The following DHX36 variants were observed in gnomAD, a reference collection of about 807,000 sequenced individuals.
DHX36 encodes DEAH-box helicase 36.
A neutral mutation model predicts 139.0 loss-of-function variants in DHX36; 50 were observed. The ratio of observed to expected loss-of-function variants is 0.36; its 90% CI spans 0.29 to 0.46. The LOEUF is 0.46. Among genes scored for constraint, DHX36 ranks in the 20% least tolerant of loss-of-function variants. The pLI, the probability that DHX36 is intolerant of heterozygous loss-of-function variation, is 1.00. For missense variants in DHX36, 1,024 were observed against 1,211.3 expected (o/e 0.85, Z 2.29); for synonymous variants, 425 against 401.9 (o/e 1.06, Z -0.69).
At chr3:154,304,207 C>A (rs1416183695) in intron 8 of DHX36, among the ~76,000 whole-genome samples, 1 of 152,142 alleles carries the variant, frequency 6.6e-6, no homozygotes, top group Non-Finnish European at 1.5e-5. Context: ...TAATTCCCTC[C>A]CTTTCCCCCT....
At position 154,289,829 on chromosome 3, in the gene DHX36, TA is replaced by T. The variant is rs149380968; in HGVS notation, c.1815-4del. The T allele has an allele frequency of 8.1e-4, 1,131 of 1,390,216 alleles. 3 individuals carry two copies. Among genetic ancestry groups the T allele is most frequent in the South Asian group, 1.4e-3 (102 of 72,324 alleles). 86.1% of individuals were successfully genotyped at this position (1,390,216 alleles called of 1,614,324 possible). ...GATAGCAATGACCAGGTTGAACTCT[TA>T]AAAAAAAAACAAAACAAAATGAAAC... On this transcript the variant is annotated splice_polypyrimidine_tract_variant and splice_region_variant and intron_variant, in intron 15 of 24. Transcript: ENST00000496811.
intron 1 of DHX36, among the ~76,000 whole-genome samples, chr3:154,316,367 C>T (rs1432042322): frequency 6.6e-6 from 1 of 152,032 alleles, no homozygotes; most frequent in Non-Finnish European, 1.5e-5. Flanking sequence ...TCCTTCTAGA[C>T]CTTTTCCAAC....
intron 15 of DHX36, among the ~76,000 whole-genome samples, chr3:154,290,078 T>G (rs1428865890): frequency 6.6e-6 from 1 of 152,158 alleles, no homozygotes; most frequent in Non-Finnish European, 1.5e-5. Flanking sequence ...TGCCAATAAT[T>G]TGCTTCCCTA....
Position 154,310,710 on chromosome 3 carries a change from G to A in DHX36, c.643-887C>T, listed in dbSNP as rs543063559. ...GGAGGATCGCTTGAACCCGAGAGTC[G>A]GGAGTTTGCAGTAAGCCGAGATTGC... is the stretch of plus-strand genomic sequence containing the variant. On this transcript the variant is annotated intron_variant, in intron 4 of 24. Coordinates refer to ENST00000496811, the MANE Select transcript of DHX36 (RefSeq NM_020865.3). Among the ~76,000 whole-genome samples the A allele has an allele frequency of 1.4e-4, 19 of 137,998 alleles. 2 individuals carry two copies. The South Asian group carries it at 1.5e-3, about 11-fold the overall frequency. 90.5% of individuals were successfully genotyped at this position (137,998 alleles called of 152,430 possible).
At chr3:154,311,216 T>C (rs1345327069) in intron 4 of DHX36, among the ~76,000 whole-genome samples, 2 of 152,094 alleles carry the variant, frequency 1.3e-5, no homozygotes, top group African/African-American at 2.4e-5. Flanking sequence ...CCTATTATTC[T>C]ACATAGGGTA....
chr3:154,296,537 G>T lies in DHX36; in HGVS notation c.1550-1198C>A, dbSNP rs949904828. Among the ~76,000 whole-genome samples, 4 of 152,210 alleles carry T rather than the reference G, an allele frequency of 2.6e-5. No individual in the cohort carries two copies. In the South Asian group the frequency reaches 8.3e-4, roughly 32 times the overall value. On this transcript the variant is annotated intron_variant, in intron 12 of 24. Coordinates refer to ENST00000496811, the MANE Select transcript of DHX36 (RefSeq NM_020865.3). Reference sequence around the variant, plus strand: ...GTGACCCACATTTTACACATATTTTGTTAAAAATATAAGAAATTCCTACTT... The same window carrying T: ...GTGACCCACATTTTACACATATTTTTTTAAAAATATAAGAAATTCCTACTT...
chr3:154,308,439 T>C (rs1444945991), intron 5 of DHX36, among the ~76,000 whole-genome samples: 4 of 152,164 alleles, frequency 2.6e-5, no homozygotes, highest in South Asian at 2.1e-4. Flanking sequence ...CAGAATTATA[T>C]AGCATAAATA....
intron 19 of DHX36, among the ~76,000 whole-genome samples, chr3:154,284,120 T>C (rs1719425952): frequency 1.3e-5 from 2 of 152,212 alleles, no homozygotes; most frequent in South Asian, 4.1e-4. Flanking sequence ...TTTTCAAATG[T>C]TCAGCTAAAT....
intron 24 of DHX36, 170 bp from the exon 25 acceptor site, chr3:154,276,526 G>T: frequency 1.3e-6 from 1 of 777,718 alleles, no homozygotes; most frequent in South Asian, 1.9e-5. Flanking sequence ...TAACTAAAGT[G>T]CAGTTAAAAT....
intron 24 of DHX36, 80 bp from the exon 25 acceptor site, chr3:154,276,436 G>C (rs1719152068): frequency 1.5e-6 from 2 of 1,309,676 alleles, no homozygotes; most frequent in Admixed American, 4.9e-5. Flanking sequence ...TAATTTACCT[G>C]ATACAAGGAG....
intron 15 of DHX36, among the ~76,000 whole-genome samples, chr3:154,290,723 C>A (rs1711760035): frequency 6.6e-6 from 1 of 151,426 alleles, no homozygotes; most frequent in South Asian, 2.1e-4. Context: ...GCTCTTGCTG[C>A]TATAGGAACA....
intron 9 of DHX36, among the ~76,000 whole-genome samples, chr3:154,301,844 C>T (rs970229222): frequency 1.3e-5 from 2 of 151,800 alleles, no homozygotes; most frequent in Non-Finnish European, 2.9e-5. Context: ...CAAAAATGAA[C>T]CCACACTTTA....
Position 154,274,308 on chromosome 3 carries a change from C to CA in DHX36, c.*1862dup, listed in dbSNP as rs1009730554. The CA allele has an allele frequency of 1.6e-5, 3 of 185,832 alleles. No homozygotes were observed. Among genetic ancestry groups the CA allele is most frequent in the East Asian group, 1.6e-4 (1 of 6,112 alleles). 11.5% of individuals were successfully genotyped at this position (185,832 alleles called of 1,614,324 possible). A position where few individuals can be genotyped will look rare whatever the true frequency, so the allele number is the denominator to read the frequency against. ...GGGTGACAGGGCAAGACACTGTCTC[C>CA]AAAAAACAAAAAACAAAACAAAACA... On this transcript the variant is annotated 3_prime_UTR_variant, in exon 25 of 25. Coordinates refer to ENST00000496811, the MANE Select transcript of DHX36 (RefSeq NM_020865.3).
At chr3:154,288,482 G>C (rs1295904653) in intron 17 of DHX36, among the ~76,000 whole-genome samples, 2 of 152,046 alleles carry the variant, frequency 1.3e-5, no homozygotes, top group Admixed American at 6.5e-5. Flanking sequence ...TACTGGGAAT[G>C]TTCTTCTTGA....
intron 4 of DHX36, among the ~76,000 whole-genome samples, chr3:154,310,439 G>C (rs1712687118): frequency 6.6e-6 from 1 of 151,548 alleles, no homozygotes; most frequent in Admixed American, 6.6e-5. Flanking sequence ...GGATGTTAGG[G>C]GTTATTTTCA....
At chr3:154,300,745 T>C (rs965425464) in intron 10 of DHX36, 49 bp from the exon 11 acceptor site, 6 of 1,491,036 alleles carry the variant, frequency 4.0e-6, no homozygotes, top group Admixed American at 1.8e-5. Context: ...AAGTTTTCTG[T>C]TAACTTGCTA....
In DHX36 at chr3:154,304,851, A is replaced by T. The variant is rs767440112; in HGVS notation, c.1090T>A (p.Leu364Met). ...TCTGCATTCAATGTTGCACTCATCA[A>T]TATTACTTTCAAGTCAGATCGAAAA... Reference protein sequence around the residue: ...LNFRSDLKVILMSATLNAEKF... With the variant: ...LNFRSDLKVIMMSATLNAEKF... The change falls in exon 8 of 25, where the codon TTG becomes ATG. Residue 364 changes from leucine (L) to methionine (M), a missense_variant. Leu to Met is a conservative substitution (Grantham distance 15). This residue lies in a region of DHX36 where 146 missense variants were observed against 215.0 expected (regional missense o/e 0.68). Transcript: ENST00000496811. 44 of 1,607,028 alleles carry T rather than the reference A, an allele frequency of 2.7e-5. No homozygotes were observed. The African/African-American group carries it at 5.5e-4, about 20-fold the overall frequency.
chr3:154,320,325 T>TGGGA (rs1285940752), intron 1 of DHX36, among the ~76,000 whole-genome samples: 1 of 150,354 alleles, frequency 6.7e-6, no homozygotes, highest in African/African-American at 2.5e-5. Context: ...TGGCATCACC[T>TGGGA]GGGAGCCTGT....
At chr3:154,311,613 AAT>A in intron 4 of DHX36, 21 bp downstream of exon 4, 1 of 1,587,440 alleles carries the variant, frequency 6.3e-7, no homozygotes. Flanking sequence ...AATCAAATTA[AAT>A]AGTGGAAAAA....
Sources: allele counts gnomAD v4.1 joint callset (sites outside exome capture counted in the v4.1 genomes callset), GRCh38; gene constraint gnomAD v4.1.1; regional missense constraint gnomAD v4.1.1; transcripts MANE v1.5; gene names NCBI Gene and HGNC (gene_info 2026-07-23, HGNC 2026-07-21).